The following TARP variants were observed in gnomAD, a reference collection of about 807,000 sequenced individuals.
chr7:38,267,210 T>TGA, the TARP span, among the ~76,000 whole-genome samples: 10 of 151,720 alleles, frequency 6.6e-5, no homozygotes, highest in Admixed American at 1.3e-4. Context: ...CTGAATAAAA[T>TGA]GTACATATAA....
the TARP span, among the ~76,000 whole-genome samples, chr7:38,271,783 T>C: frequency 6.6e-6 from 1 of 151,412 alleles, no homozygotes; most frequent in Non-Finnish European, 1.5e-5. Flanking sequence ...TGTTCTGAGA[T>C]AGATGCTTTA....
chr7:38,264,100 G>T, the TARP span, among the ~76,000 whole-genome samples: 1 of 85,366 alleles, frequency 1.2e-5, no homozygotes, highest in African/African-American at 9.8e-5. Context: ...ATCAAGGTTG[G>T]TTGCAAGTGT....
chr7:38,260,808 G>A, the TARP span, among the ~76,000 whole-genome samples: 7 of 151,672 alleles, frequency 4.6e-5, no homozygotes, highest in East Asian at 1.9e-4. Flanking sequence ...TGATGTGTCC[G>A]TGACTCCCTG....
the TARP span, chr7:38,269,447 T>A: frequency 1.1e-5 from 8 of 723,138 alleles, no homozygotes; most frequent in African/African-American, 1.0e-4. Flanking sequence ...ATTTCCTGCT[T>A]TCCCTCTATT....
chr7:38,273,050 T>C, the TARP span, among the ~76,000 whole-genome samples: 1 of 151,172 alleles, frequency 6.6e-6, no homozygotes, highest in Non-Finnish European at 1.5e-5. Flanking sequence ...CCAGGCAAAA[T>C]TACATCTTTA....
At chr7:38,266,434 G>A in the TARP span, among the ~76,000 whole-genome samples, 2 of 151,750 alleles carry the variant, frequency 1.3e-5, no homozygotes, top group African/African-American at 2.4e-5. Context: ...AGCCTCCCAA[G>A]TAGCTGGGAC....
the TARP span, among the ~76,000 whole-genome samples, chr7:38,269,164 C>T: frequency 1.3e-5 from 2 of 151,736 alleles, no homozygotes; most frequent in South Asian, 2.1e-4. Context: ...AATATGTGTC[C>T]ACTCTGTAGA....
the TARP span, among the ~76,000 whole-genome samples, chr7:38,266,831 C>G: frequency 6.6e-6 from 1 of 151,786 alleles, no homozygotes; most frequent in Non-Finnish European, 1.5e-5. Flanking sequence ...TTCACCATCT[C>G]CTGAATTTAG....
chr7:38,270,571 A>T, the TARP span, among the ~76,000 whole-genome samples: 2 of 151,698 alleles, frequency 1.3e-5, no homozygotes, highest in African/African-American at 2.4e-5. Context: ...CAGAAACTTC[A>T]GCCTGAAACT....
chr7:38,268,042 A>C, the TARP span, among the ~76,000 whole-genome samples: 1 of 151,500 alleles, frequency 6.6e-6, no homozygotes, highest in Non-Finnish European at 1.5e-5. Flanking sequence ...ATCATTAAAT[A>C]GCATACTTGA....
chr7:38,266,788 T>C, the TARP span, among the ~76,000 whole-genome samples: 1 of 152,082 alleles, frequency 6.6e-6, no homozygotes, highest in African/African-American at 2.4e-5. Context: ...AGTTTTGGGA[T>C]GCAGCAGTAT....
chr7:38,271,250 A>G, the TARP span, among the ~76,000 whole-genome samples: 3 of 151,534 alleles, frequency 2.0e-5, no homozygotes, highest in African/African-American at 7.3e-5. Flanking sequence ...TGTAAGGTCA[A>G]GCTCAAATAA....
the TARP span, chr7:38,265,336 C>T: frequency 2.8e-3 from 4,385 of 1,583,482 alleles, 31 homozygotes; most frequent in South Asian, 0.011. Context: ...AGATGATATG[C>T]GTAAACACAT....
chr7:38,266,054 G>T, the TARP span, among the ~76,000 whole-genome samples: 1 of 151,060 alleles, frequency 6.6e-6, no homozygotes, highest in Non-Finnish European at 1.5e-5. Flanking sequence ...TTTCATCATA[G>T]TGAAGCAGGT....
the TARP span, chr7:38,265,582 A>C: frequency 2.0e-5 from 33 of 1,612,208 alleles, no homozygotes; most frequent in Non-Finnish European, 2.7e-5. Flanking sequence ...TTTCTCAAGA[A>C]GACAAAGGTA....
the TARP span, chr7:38,260,060 A>C: frequency 6.7e-7 from 1 of 1,485,260 alleles, no homozygotes; most frequent in Admixed American, 1.7e-5. Flanking sequence ...CCGATGAGGA[A>C]AAGATGGCCT....
the TARP span, among the ~76,000 whole-genome samples, chr7:38,269,768 G>A: frequency 6.6e-6 from 1 of 152,002 alleles, no homozygotes; most frequent in African/African-American, 2.4e-5. Flanking sequence ...ACTGAAGTGA[G>A]ACCAAAATGA....
chr7:38,273,249 T>A, the TARP span, among the ~76,000 whole-genome samples: 7 of 148,064 alleles, frequency 4.7e-5, no homozygotes, highest in South Asian at 4.2e-4. Context: ...GATTTTACTT[T>A]TTTTTTTTTT....
At chr7:38,262,108 T>G in the TARP span, 1 of 1,427,706 alleles carries the variant, frequency 7.0e-7, no homozygotes, top group Non-Finnish European at 9.8e-7. Context: ...ATTCCCTGAT[T>G]TTTCAAGCCA....
Sources: gnomAD v4.1 joint callset for allele counts (sites outside exome capture counted in the v4.1 genomes callset) on GRCh38, gnomAD v4.1.1 for gene constraint, MANE v1.5 for transcripts.